RNGTT: variants seen among roughly 807,000 people sequenced by gnomAD.
RNGTT encodes the protein mRNA-capping enzyme.
A neutral mutation model predicts 79.3 loss-of-function variants in RNGTT; 33 were observed. The ratio of observed to expected loss-of-function variants is 0.42; its 90% CI spans 0.32 to 0.56. The LOEUF is 0.56. RNGTT is among the 20% of genes least tolerant of loss of function. The probability of loss-of-function intolerance (pLI) is 0.17; values close to 1 mark genes in which losing one functional copy is unlikely to be tolerated. For synonymous variants in RNGTT, 222 were observed against 235.9 expected (o/e 0.94, Z 0.54); for missense variants, 497 against 739.1 (o/e 0.67, Z 3.80).
At chr6:88,816,082 T>C (rs1417490549) in intron 11 of RNGTT, among the ~76,000 whole-genome samples, 1 of 152,184 alleles carries the variant, frequency 6.6e-6, no homozygotes, top group African/African-American at 2.4e-5. Context: ...TAGCAAAATA[T>C]GTATACCTCT....
intron 4 of RNGTT, among the ~76,000 whole-genome samples, chr6:88,916,885 G>T (rs1347150479): frequency 2.0e-5 from 3 of 152,184 alleles, no homozygotes; most frequent in Non-Finnish European, 4.4e-5. Flanking sequence ...TGTTCTTTGT[G>T]TAAGAGCATG....
intron 6 of RNGTT, among the ~76,000 whole-genome samples, chr6:88,893,123 G>GA (rs1209829305): frequency 6.6e-6 from 1 of 151,728 alleles, no homozygotes; most frequent in Non-Finnish European, 1.5e-5. Flanking sequence ...ACAGCTAAAG[G>GA]AAAAAAAGAG....
chr6:88,862,773 A>G (rs1165828881), intron 8 of RNGTT, among the ~76,000 whole-genome samples: 1 of 152,202 alleles, frequency 6.6e-6, no homozygotes, highest in East Asian at 1.9e-4. Flanking sequence ...ACACACACAC[A>G]CAGTAACACT....
At chr6:88,806,155 C>G (rs1345094426) in intron 11 of RNGTT, among the ~76,000 whole-genome samples, 1 of 152,074 alleles carries the variant, frequency 6.6e-6, no homozygotes, top group Non-Finnish European at 1.5e-5. Flanking sequence ...GTCTCACACA[C>G]ACACATACAC....
At chr6:88,900,649 G>A (rs576044220) in intron 6 of RNGTT, among the ~76,000 whole-genome samples, 11 of 151,600 alleles carry the variant, frequency 7.3e-5, no homozygotes, top group South Asian at 4.2e-4. Context: ...CAGAAGAATC[G>A]TCTGAACCCA....
At chr6:88,840,370 T>C (rs1412939286) in intron 11 of RNGTT, among the ~76,000 whole-genome samples, 5 of 152,142 alleles carry the variant, frequency 3.3e-5, no homozygotes, top group Admixed American at 3.3e-4. Context: ...AGGAGACTAT[T>C]CAAAATTCTA....
chr6:88,825,720 T>C (rs1398373055), intron 11 of RNGTT, among the ~76,000 whole-genome samples: 1 of 152,240 alleles, frequency 6.6e-6, no homozygotes, highest in Non-Finnish European at 1.5e-5. Context: ...GGTCTTCTAC[T>C]GAAATAGTTC....
At position 88,678,420 on chromosome 6, in the gene RNGTT, C is replaced by T; in HGVS notation, c.1440-1G>A. 1 of 1,400,648 alleles carries T rather than the reference C, an allele frequency of 7.1e-7. No homozygotes were observed. The highest frequency in any genetic ancestry group is 2.0e-5 in the South Asian group (1 of 50,458). The allele number at this position is 1,400,648 out of a possible 1,614,324, so 86.8% of individuals were successfully genotyped here. ...GAGGCCAACATTCTGAGGAAGTAAC[C>T]TACAAAGAAAAAAAAGCATTATTTA... is the stretch of plus-strand genomic sequence containing the variant. On this transcript the variant is annotated splice_acceptor_variant, in intron 13 of 15. Transcript: ENST00000369485. LOFTEE classifies it high-confidence loss of function.
intron 13 of RNGTT, among the ~76,000 whole-genome samples, chr6:88,741,904 G>A (rs923356227): frequency 6.6e-6 from 1 of 152,074 alleles, no homozygotes; most frequent in Non-Finnish European, 1.5e-5. Flanking sequence ...CTGGTAGGAC[G>A]ACCTGATCTT....
intron 2 of RNGTT, among the ~76,000 whole-genome samples, chr6:88,938,656 G>A (rs1354384713): frequency 6.6e-6 from 1 of 152,030 alleles, no homozygotes; most frequent in Non-Finnish European, 1.5e-5. Flanking sequence ...ATTGTGTAGT[G>A]GTAACATTTG....
intron 10 of RNGTT, among the ~76,000 whole-genome samples, chr6:88,846,143 T>C (rs1010052519): frequency 6.6e-6 from 1 of 152,210 alleles, no homozygotes. Flanking sequence ...ACAATGCCTA[T>C]GGGCAAAGTT....
chr6:88,856,437 CAT>C (rs150527950), intron 8 of RNGTT, among the ~76,000 whole-genome samples: 3,074 of 151,796 alleles, frequency 0.02, 40 homozygotes, highest in Middle Eastern at 0.058. Context: ...CACACACACA[CAT>C]CTTAGTATCA....
At chr6:88,833,047 C>A (rs1295627548) in intron 11 of RNGTT, among the ~76,000 whole-genome samples, 5 of 152,248 alleles carry the variant, frequency 3.3e-5, no homozygotes, top group African/African-American at 9.6e-5. Flanking sequence ...ACCATAAATA[C>A]CATTTGACCC....
At chr6:88,686,435 T>C (rs940049427) in intron 13 of RNGTT, among the ~76,000 whole-genome samples, 1 of 151,646 alleles carries the variant, frequency 6.6e-6, no homozygotes, top group African/African-American at 2.4e-5. Context: ...CATTCGAAAA[T>C]ATATGAGGAA....
intron 2 of RNGTT, among the ~76,000 whole-genome samples, chr6:88,936,011 C>A (rs1045331841): frequency 1.3e-5 from 2 of 152,156 alleles, no homozygotes; most frequent in Non-Finnish European, 2.9e-5. Flanking sequence ...CCTGGAACAC[C>A]TGGGCTCAAG....
chr6:88,836,805 A>C (rs1781096249), intron 11 of RNGTT, among the ~76,000 whole-genome samples: 1 of 152,110 alleles, frequency 6.6e-6, no homozygotes, highest in African/African-American at 2.4e-5. Context: ...AATTAATCTA[A>C]AAGTTCATGG....
intron 12 of RNGTT, among the ~76,000 whole-genome samples, chr6:88,779,325 G>A (rs1778986585): frequency 6.6e-6 from 1 of 152,112 alleles, no homozygotes; most frequent in African/African-American, 2.4e-5. Context: ...TTTATAGTAA[G>A]TGACTACAAG....
intron 14 of RNGTT, among the ~76,000 whole-genome samples, chr6:88,660,549 T>TAAAAAAAAAA (rs139978224): frequency 0.069 from 9,829 of 143,180 alleles, 426 homozygotes; most frequent in South Asian, 0.16. Flanking sequence ...GCAACAATGG[T>TAAAAAAAAAA]AAAAAAAAAG....
intron 13 of RNGTT, among the ~76,000 whole-genome samples, chr6:88,763,028 G>A (rs1002849105): frequency 4.7e-5 from 7 of 147,380 alleles, no homozygotes; most frequent in African/African-American, 1.8e-4. Flanking sequence ...AGGCTCAGGT[G>A]TTCCTCCCAC....
Sources: allele counts gnomAD v4.1 joint callset (sites outside exome capture counted in the v4.1 genomes callset), GRCh38; gene constraint gnomAD v4.1.1; transcripts MANE v1.5; gene names NCBI Gene and HGNC (gene_info 2026-07-23, HGNC 2026-07-21).